The following MIPOL1 variants were observed in gnomAD, a reference collection of about 807,000 sequenced individuals.
MIPOL1 encodes the protein mirror-image polydactyly 1.
Under a neutral mutation model 60.9 loss-of-function variants are expected in MIPOL1, and 57 were observed. That is an observed-to-expected ratio of 0.94 (90% CI 0.76 to 1.17). The LOEUF is 1.17. Ranked by LOEUF, MIPOL1 falls within the 50% of genes most tolerant of loss-of-function variation. MIPOL1 has a pLI of 0.00. For missense variants in MIPOL1, 551 were observed against 511.6 expected, an observed-to-expected ratio of 1.08 and a Z score of -0.74; for synonymous variants, 179 against 168.8, an observed-to-expected ratio of 1.06 and a Z score of -0.47.
intron 9 of MIPOL1, among the ~76,000 whole-genome samples, chr14:37,353,994 A>T (rs1306147294): frequency 6.7e-6 from 1 of 150,100 alleles, no homozygotes; most frequent in Non-Finnish European, 1.5e-5. Context: ...TTTAATTGTG[A>T]TGTTAGGGTG....
chr14:37,326,270 G>A (rs1233603322), intron 9 of MIPOL1, among the ~76,000 whole-genome samples: 25 of 152,192 alleles, frequency 1.6e-4, no homozygotes, highest in Non-Finnish European at 1.5e-5. Context: ...GGATGATGGG[G>A]GACATGGTAA....
intron 3 of MIPOL1, among the ~76,000 whole-genome samples, chr14:37,264,363 T>C (rs973862928): frequency 1.3e-5 from 2 of 151,998 alleles, no homozygotes; most frequent in Non-Finnish European, 2.9e-5. Context: ...TGGTGGCTTA[T>C]GCCTGTAATC....
rs1445836130 is a variant in MIPOL1 at position 37,547,973 on chromosome 14, AC to A, written c.*1003del. 1 of 152,144 alleles carries A rather than the reference AC, an allele frequency of 6.6e-6. No individual in the cohort carries two copies. Among genetic ancestry groups the A allele is most frequent in the African/African-American group, 2.4e-5 (1 of 41,474 alleles). 9.4% of individuals were successfully genotyped at this position (152,144 alleles called of 1,614,324 possible). A position where few individuals can be genotyped will look rare whatever the true frequency, so the allele number is the denominator to read the frequency against. Reference sequence around the variant, plus strand: ...ATTTTATTCCAGAAATAAGATAGTTACAGCATAGCAGTCATATGAAGTTATG... The same window carrying A: ...ATTTTATTCCAGAAATAAGATAGTTAAGCATAGCAGTCATATGAAGTTATG... On this transcript the variant is annotated 3_prime_UTR_variant, in exon 13 of 13. Coordinates refer to ENST00000684589, the MANE Select transcript of MIPOL1 (RefSeq NM_001388067.1).
chr14:37,468,305 C>G (rs1339196998), intron 11 of MIPOL1, among the ~76,000 whole-genome samples: 1 of 152,054 alleles, frequency 6.6e-6, no homozygotes, highest in Non-Finnish European at 1.5e-5. Flanking sequence ...CACTTCTTTT[C>G]AGCATTCCAG....
chr14:37,383,741 G>T (rs944269224), intron 10 of MIPOL1, among the ~76,000 whole-genome samples: 1 of 151,898 alleles, frequency 6.6e-6, no homozygotes, highest in Non-Finnish European at 1.5e-5. Flanking sequence ...AAATTCTGCT[G>T]TGTTAATTAC....
At chr14:37,491,729 G>A (rs1275801372) in intron 11 of MIPOL1, among the ~76,000 whole-genome samples, 1 of 152,026 alleles carries the variant, frequency 6.6e-6, no homozygotes, top group African/African-American at 2.4e-5. Context: ...GAAATTTTAA[G>A]TTCAGTATTA....
chr14:37,391,937 A>C lies in MIPOL1; in HGVS notation c.936+22313A>C, dbSNP rs528167875. ...GAATTTAGGAACTAATGAAGGGGGA[A>C]AGTGATATAATAGGATATACTTAAA... On this transcript the variant is annotated intron_variant, in intron 10 of 12. Coordinates refer to ENST00000684589, the MANE Select transcript of MIPOL1 (RefSeq NM_001388067.1). 4.0e-5 allele frequency among the ~76,000 whole-genome samples: 6 copies of C among 151,686 alleles called. No homozygotes were observed. In the South Asian group the frequency reaches 1.2e-3, roughly 31 times the overall value.
intron 12 of MIPOL1, among the ~76,000 whole-genome samples, chr14:37,512,981 T>C (rs1438137654): frequency 6.6e-6 from 1 of 152,146 alleles, no homozygotes; most frequent in East Asian, 1.9e-4. Context: ...TTATTTGTAA[T>C]AGTTTATCAA....
intron 7 of MIPOL1, among the ~76,000 whole-genome samples, chr14:37,294,506 G>A (rs1170562536): frequency 1.3e-5 from 2 of 151,982 alleles, no homozygotes; most frequent in Non-Finnish European, 2.9e-5. Flanking sequence ...GATCAAACTA[G>A]TCCGAGCTAA....
intron 9 of MIPOL1, among the ~76,000 whole-genome samples, chr14:37,315,636 A>T (rs2087793042): frequency 6.6e-6 from 1 of 152,142 alleles, no homozygotes; most frequent in Admixed American, 6.6e-5. Context: ...GGACTTGAAC[A>T]CTGTGTTGGC....
chr14:37,297,323 G>C (rs377229079), intron 7 of MIPOL1, among the ~76,000 whole-genome samples: 6 of 152,162 alleles, frequency 3.9e-5, no homozygotes, highest in South Asian at 2.1e-4. Flanking sequence ...TAAGAGCTAT[G>C]TATGACAAAC....
chr14:37,346,203 C>T (rs2153466457), intron 9 of MIPOL1, among the ~76,000 whole-genome samples: 2 of 152,288 alleles, frequency 1.3e-5, no homozygotes, highest in South Asian at 4.1e-4. Flanking sequence ...GTAGTGCACA[C>T]CTGTAATCCC....
intron 9 of MIPOL1, among the ~76,000 whole-genome samples, chr14:37,334,928 G>A (rs1239475811): frequency 6.6e-6 from 1 of 151,994 alleles, no homozygotes; most frequent in Non-Finnish European, 1.5e-5. Context: ...ATCAGCTGAT[G>A]AACATTTGCA....
At chr14:37,526,133 T>A (rs934165921) in intron 12 of MIPOL1, among the ~76,000 whole-genome samples, 4 of 151,320 alleles carry the variant, frequency 2.6e-5, no homozygotes, top group Non-Finnish European at 5.9e-5. Flanking sequence ...GATTTCTTAA[T>A]AATTTGACTA....
intron 9 of MIPOL1, among the ~76,000 whole-genome samples, chr14:37,344,267 A>T (rs1389710109): frequency 6.6e-6 from 1 of 152,026 alleles, no homozygotes; most frequent in African/African-American, 2.4e-5. Flanking sequence ...CTGTCTTTTA[A>T]TTTATAGATT....
chr14:37,534,705 A>G (rs2095498146), intron 12 of MIPOL1, among the ~76,000 whole-genome samples: 1 of 152,128 alleles, frequency 6.6e-6, no homozygotes, highest in African/African-American at 2.4e-5. Flanking sequence ...ACTTAATCTT[A>G]ATTTATTCTA....
At chr14:37,364,586 G>A (rs954345982) in intron 9 of MIPOL1, among the ~76,000 whole-genome samples, 60 of 152,030 alleles carry the variant, frequency 3.9e-4, no homozygotes, top group Non-Finnish European at 6.0e-4. Flanking sequence ...ATTGGTCTAT[G>A]TGTTTTTATG....
intron 11 of MIPOL1, among the ~76,000 whole-genome samples, chr14:37,481,808 A>G (rs2094875667): frequency 6.6e-6 from 1 of 152,212 alleles, no homozygotes; most frequent in African/African-American, 2.4e-5. Context: ...TTGATTTTTG[A>G]CAAATGTGCC....
intron 11 of MIPOL1, among the ~76,000 whole-genome samples, chr14:37,454,682 A>G (rs960966287): frequency 6.6e-5 from 10 of 152,316 alleles, no homozygotes; most frequent in African/African-American, 1.4e-4. Context: ...TAAAGTGCCT[A>G]TTGTGATATG....
Sources: allele counts gnomAD v4.1 joint callset (sites outside exome capture counted in the v4.1 genomes callset), GRCh38; gene constraint gnomAD v4.1.1; transcripts MANE v1.5; gene names NCBI Gene and HGNC (gene_info 2026-07-23, HGNC 2026-07-21).